RANBP17: variants seen among roughly 807,000 people sequenced by gnomAD.
RANBP17 encodes RAN binding protein 17, also known as ran-binding protein 17.
A neutral mutation model predicts 141.2 loss-of-function variants in RANBP17; 158 were observed. The observed-to-expected ratio is 1.12, with a 90% CI of 0.98 to 1.28. RANBP17 has a LOEUF of 1.28. RANBP17 is among the 50% of genes most tolerant of loss of function. The pLI is 0.00. For missense variants in RANBP17, 1,438 were observed against 1,290.7 expected (o/e 1.11, Z -1.75); for synonymous variants, 430 against 450.0 (o/e 0.96, Z 0.56).
intron 14 of RANBP17, among the ~76,000 whole-genome samples, chr5:171,054,156 T>A (rs1783186449): frequency 6.6e-6 from 1 of 151,966 alleles, no homozygotes; most frequent in Admixed American, 6.6e-5. Context: ...GTGAGTCTCC[T>A]GTAAGCAGCA....
At chr5:171,171,574 C>A (rs1248138506) in intron 16 of RANBP17, among the ~76,000 whole-genome samples, 2 of 151,848 alleles carry the variant, frequency 1.3e-5, no homozygotes, top group Non-Finnish European at 2.9e-5. Context: ...ATAAGAAAGT[C>A]CACATGTATT....
At position 171,085,340 on chromosome 5, in the gene RANBP17, G is replaced by A. The variant is rs1785573874; in HGVS notation, c.1711-84790G>A. Reference sequence around the variant, plus strand: ...GATCTATATCTCTGTTTTGGTACCAGTACCATGCTGTTTTGGTTACTGTAG... The same window carrying A: ...GATCTATATCTCTGTTTTGGTACCAATACCATGCTGTTTTGGTTACTGTAG... On this transcript the variant is annotated intron_variant, in intron 14 of 27. Coordinates refer to ENST00000523189, the MANE Select transcript of RANBP17 (RefSeq NM_022897.5). Among the ~76,000 whole-genome samples, 2 of 123,142 alleles carry A rather than the reference G, an allele frequency of 1.6e-5. 1 individual carries two copies. Among genetic ancestry groups the A allele is most frequent in the African/African-American group, 6.0e-5 (2 of 33,080 alleles). 80.8% of individuals were successfully genotyped at this position (123,142 alleles called of 152,430 possible). A position where few individuals can be genotyped will look rare whatever the true frequency, so the allele number is the denominator to read the frequency against.
At chr5:171,059,630 T>C (rs1231111537) in intron 14 of RANBP17, among the ~76,000 whole-genome samples, 1 of 152,028 alleles carries the variant, frequency 6.6e-6, no homozygotes, top group African/African-American at 2.4e-5. Context: ...TGGCTTAGGA[T>C]TGACTTGGCA....
intron 14 of RANBP17, among the ~76,000 whole-genome samples, chr5:171,063,576 G>T (rs1017246584): frequency 2.6e-5 from 4 of 152,206 alleles, no homozygotes; most frequent in African/African-American, 9.6e-5. Context: ...CCCTACTAGG[G>T]GGTGCCTCCC....
chr5:171,067,252 T>G (rs1327227091), intron 14 of RANBP17, among the ~76,000 whole-genome samples: 1 of 152,180 alleles, frequency 6.6e-6, no homozygotes, highest in Non-Finnish European at 1.5e-5. Flanking sequence ...TAAGATTACT[T>G]GAATAGCATA....
Position 171,183,341 on chromosome 5 carries a change from T to C in RANBP17, c.1949T>C (p.Leu650Pro). ...CATTAGAGTGAACACTTCCCTTTTC[T>C]TGGCATCAGTGACAATCATAGTCTC... ...KNHTSEHFPFLGISDNHSLSD... is the reference protein window; with the variant it reads ...KNHTSEHFPFPGISDNHSLSD... Residue 650 changes from leucine (L) to proline (P), a missense_variant, in exon 18 of 28, where the codon CTT becomes CCT. Coordinates refer to ENST00000523189, the MANE Select transcript of RANBP17 (RefSeq NM_022897.5). The C allele has an allele frequency of 6.2e-7, 1 of 1,613,984 alleles. No individual in the cohort carries two copies. Among genetic ancestry groups the C allele is most frequent in the South Asian group, 1.1e-5 (1 of 91,078 alleles).
At chr5:171,060,066 T>C (rs1783702167) in intron 14 of RANBP17, among the ~76,000 whole-genome samples, 7 of 49,850 alleles carry the variant, frequency 1.4e-4, no homozygotes, top group African/African-American at 5.1e-4. Context: ...GATTTTGGGC[T>C]GAGACAATGG....
intron 24 of RANBP17, among the ~76,000 whole-genome samples, chr5:171,245,648 C>G (rs1373103976): frequency 2.6e-5 from 4 of 151,954 alleles, no homozygotes; most frequent in Non-Finnish European, 5.9e-5. Flanking sequence ...TTTATTCTAT[C>G]CTGCAGTTGA....
chr5:171,014,543 T>C (rs979812818), intron 14 of RANBP17, among the ~76,000 whole-genome samples: 1 of 152,030 alleles, frequency 6.6e-6, no homozygotes, highest in Non-Finnish European at 1.5e-5. Context: ...TATACCATTT[T>C]ACTTATCAAA....
At chr5:171,073,836 CTT>C (rs76724013) in intron 14 of RANBP17, among the ~76,000 whole-genome samples, 13 of 141,136 alleles carry the variant, frequency 9.2e-5, no homozygotes, top group African/African-American at 1.3e-4. Context: ...TAAGGAGGTA[CTT>C]TTTTTTTTTT....
intron 17 of RANBP17, 37 bp from the exon 18 acceptor site, chr5:171,183,285 G>C (rs1163320599): frequency 1.9e-6 from 3 of 1,570,800 alleles, no homozygotes; most frequent in Admixed American, 3.3e-5. Flanking sequence ...TTGAGGTAAA[G>C]TGTTAGTAAC....
At chr5:170,952,992 T>A (rs1561924426) in intron 12 of RANBP17, among the ~76,000 whole-genome samples, 2 of 152,130 alleles carry the variant, frequency 1.3e-5, no homozygotes, top group Non-Finnish European at 2.9e-5. Flanking sequence ...TATTTAATCC[T>A]CTACTACTAT....
chr5:171,225,395 C>G (rs1763825564), intron 22 of RANBP17, among the ~76,000 whole-genome samples: 1 of 152,220 alleles, frequency 6.6e-6, no homozygotes, highest in Non-Finnish European at 1.5e-5. Context: ...TCTACTGATT[C>G]TCTTGCTGGT....
intron 12 of RANBP17, among the ~76,000 whole-genome samples, chr5:170,930,430 C>CT (rs1438622997): frequency 4.0e-5 from 6 of 150,388 alleles, no homozygotes; most frequent in East Asian, 3.9e-4. Context: ...ATTTATTTTA[C>CT]TTTAAGTTCT....
Position 171,298,969 on chromosome 5 carries a change from A to G in RANBP17, c.*111A>G, listed in dbSNP as rs146785228. The G allele has an allele frequency of 1.4e-6, 1 of 709,424 alleles. No individual in the cohort carries two copies. The highest frequency in any genetic ancestry group is 2.8e-5 in the East Asian group (1 of 36,352). The allele number at this position is 709,424 out of a possible 1,614,324, so 43.9% of individuals were successfully genotyped here. A position where few individuals can be genotyped will look rare whatever the true frequency, so the allele number is the denominator to read the frequency against. On this transcript the variant is annotated 3_prime_UTR_variant, in exon 28 of 28. Transcript: ENST00000523189. ...CAGGGGAATGTATTTTTCAAAACAT[A>G]CAAGCAACAGCAAAAGCCCTAACTT... is the stretch of plus-strand genomic sequence containing the variant.
chr5:171,021,558 C>G (rs1780857905), intron 14 of RANBP17, among the ~76,000 whole-genome samples: 1 of 152,156 alleles, frequency 6.6e-6, no homozygotes, highest in Admixed American at 6.5e-5. Flanking sequence ...TCCACCTGAT[C>G]CATTCAGCTA....
intron 4 of RANBP17, among the ~76,000 whole-genome samples, chr5:170,893,960 A>G (rs141191371): frequency 0.017 from 2,513 of 152,262 alleles, 28 homozygotes; most frequent in Middle Eastern, 0.031. Context: ...CCTGTCTAAG[A>G]TATAACTTCA....
chr5:171,073,794 A>G (rs753918048), intron 14 of RANBP17, among the ~76,000 whole-genome samples: 1 of 151,664 alleles, frequency 6.6e-6, no homozygotes, highest in Non-Finnish European at 1.5e-5. Context: ...AAAATACAAG[A>G]TGAGCCTGGA....
intron 11 of RANBP17, among the ~76,000 whole-genome samples, chr5:170,921,239 CTT>C (rs2127440168): frequency 6.6e-6 from 1 of 152,256 alleles, no homozygotes; most frequent in South Asian, 2.1e-4. Context: ...ACATTTAAGT[CTT>C]TAATGTATCT....
Sources: allele counts gnomAD v4.1 joint callset (sites outside exome capture counted in the v4.1 genomes callset), GRCh38; gene constraint gnomAD v4.1.1; transcripts MANE v1.5; gene names NCBI Gene and HGNC (gene_info 2026-07-23, HGNC 2026-07-21).